CALN1: variants seen among roughly 807,000 people sequenced by gnomAD.
CALN1 encodes the protein calcium-binding protein 8.
Under a neutral mutation model 30.6 loss-of-function variants are expected in CALN1, and 17 were observed. The ratio of observed to expected loss-of-function variants is 0.56; its 90% confidence interval spans 0.38 to 0.83. The LOEUF (loss-of-function observed/expected upper bound fraction) is 0.83, where lower values mean the gene tolerates loss of function less well. Ranked by LOEUF, CALN1 falls within the 40% of genes least tolerant of loss-of-function variation. The pLI is 0.00. For missense variants in CALN1, 291 were observed against 354.9 expected, an observed-to-expected ratio of 0.82 and a Z score of 1.45; for synonymous variants, 156 against 131.4, an observed-to-expected ratio of 1.19 and a Z score of -1.28.
chr7:72,214,761 G>A (rs890395751), intron 3 of CALN1, among the ~76,000 whole-genome samples: 4 of 151,950 alleles, frequency 2.6e-5, no homozygotes, highest in Admixed American at 6.6e-5. Flanking sequence ...GCCACTCCCC[G>A]CCGCTCGCAT....
chr7:72,263,262 G>T (rs1187300007), intron 3 of CALN1, among the ~76,000 whole-genome samples: 2 of 152,064 alleles, frequency 1.3e-5, no homozygotes, highest in Non-Finnish European at 2.9e-5. Context: ...CACTTTGCAT[G>T]TATTATCTCT....
At chr7:71,925,278 A>G (rs1218560687) in intron 5 of CALN1, among the ~76,000 whole-genome samples, 4 of 149,696 alleles carry the variant, frequency 2.7e-5, no homozygotes. Context: ...CAAGCAAGCA[A>G]GCAAGCAAGA....
Position 71,847,773 on chromosome 7 carries a change from A to AAAG in CALN1, c.502-37284_502-37282dup, listed in dbSNP as rs373772692. On this transcript the variant is annotated intron_variant, in intron 5 of 6. Coordinates refer to ENST00000395275, the MANE Select transcript of CALN1 (RefSeq NM_031468.4). ...AGAAAGAAGAAAGAAGAAGAAGAAG[A>AAAG]AAGAAGAAGAAGAAGAAGAAGAAAA... Among the ~76,000 whole-genome samples, 229 of 145,320 alleles carry AAAG rather than the reference A, an allele frequency of 1.6e-3. 3 individuals carry two copies. Among genetic ancestry groups the AAAG allele is most frequent in the East Asian group, 4.5e-3 (22 of 4,854 alleles).
chr7:72,469,685 C>T, the CALN1 span, among the ~76,000 whole-genome samples: 1 of 152,186 alleles, frequency 6.6e-6, no homozygotes, highest in African/African-American at 2.4e-5. Context: ...AGGCATGAGC[C>T]ACCGCACCCA....
intron 3 of CALN1, among the ~76,000 whole-genome samples, chr7:72,201,318 GTGGCTC>G (rs1334379568): frequency 1.3e-5 from 2 of 152,188 alleles, no homozygotes; most frequent in East Asian, 3.9e-4. Context: ...GCAGGGCACG[GTGGCTC>G]ACGTCTGTAA....
chr7:72,356,566 G>A (rs571514981), intron 2 of CALN1, among the ~76,000 whole-genome samples: 3 of 151,938 alleles, frequency 2.0e-5, no homozygotes, highest in South Asian at 2.1e-4. Context: ...TAACAAGGAC[G>A]ACTAAAATTG....
intron 4 of CALN1, among the ~76,000 whole-genome samples, chr7:72,090,206 G>T (rs959829658): frequency 8.5e-5 from 13 of 152,178 alleles, no homozygotes; most frequent in Admixed American, 6.5e-5. Flanking sequence ...GGAGGCTGAG[G>T]CAGGAGAATT....
At chr7:72,361,312 T>G (rs758403707) in intron 2 of CALN1, among the ~76,000 whole-genome samples, 2 of 152,004 alleles carry the variant, frequency 1.3e-5, no homozygotes, top group Non-Finnish European at 2.9e-5. Context: ...CCACCTACTA[T>G]GAAATCCATT....
intron 3 of CALN1, among the ~76,000 whole-genome samples, chr7:72,240,523 G>A (rs984039099): frequency 2.0e-5 from 3 of 152,266 alleles, no homozygotes; most frequent in Admixed American, 1.3e-4. Flanking sequence ...TCCAAAGCCA[G>A]TGTCTAACAA....
At chr7:72,323,830 G>A (rs942026939) in intron 2 of CALN1, among the ~76,000 whole-genome samples, 3 of 152,070 alleles carry the variant, frequency 2.0e-5, no homozygotes, top group Non-Finnish European at 4.4e-5. Flanking sequence ...GATTGCTTGA[G>A]TCCAAGATTT....
At chr7:72,374,405 T>C (rs549711605) in intron 2 of CALN1, among the ~76,000 whole-genome samples, 2 of 151,708 alleles carry the variant, frequency 1.3e-5, no homozygotes, top group African/African-American at 4.8e-5. Flanking sequence ...GGAGGGCGCC[T>C]GTAATCTCAG....
At chr7:72,219,780 A>T (rs1270529946) in intron 3 of CALN1, among the ~76,000 whole-genome samples, 1 of 152,184 alleles carries the variant, frequency 6.6e-6, no homozygotes, top group Non-Finnish European at 1.5e-5. Flanking sequence ...GAAACTGCAT[A>T]TAATAGAATT....
At chr7:72,273,921 C>CA (rs927952877) in intron 3 of CALN1, among the ~76,000 whole-genome samples, 9 of 149,912 alleles carry the variant, frequency 6.0e-5, no homozygotes, top group African/African-American at 9.8e-5. Context: ...ATAAATTATA[C>CA]AAAAAAAAAG....
intron 3 of CALN1, among the ~76,000 whole-genome samples, chr7:72,170,683 T>C (rs1404215919): frequency 2.6e-5 from 4 of 152,198 alleles, no homozygotes; most frequent in Non-Finnish European, 5.9e-5. Flanking sequence ...CATCTGTCAT[T>C]GTCATGTCTT....
chr7:72,413,852 TCACA>T (rs1321237548), upstream of CALN1, among the ~76,000 whole-genome samples: 1 of 139,216 alleles, frequency 7.2e-6, no homozygotes. Context: ...TGCACACACA[TCACA>T]CACACTCGTA....
chr7:72,183,068 TTGTC>T (rs1345233606), intron 3 of CALN1, among the ~76,000 whole-genome samples: 1 of 152,130 alleles, frequency 6.6e-6, no homozygotes, highest in Non-Finnish European at 1.5e-5. Context: ...TGTTTGTTGT[TTGTC>T]TGTTTGTTTC....
At chr7:71,979,866 A>ATTTTTTTTTT (rs1798299045) in intron 5 of CALN1, among the ~76,000 whole-genome samples, 1 of 118,790 alleles carries the variant, frequency 8.4e-6, no homozygotes, top group African/African-American at 3.2e-5. Context: ...ACACATCAGG[A>ATTTTTTTTTT]TTCTTTTTTT....
chr7:71,949,679 C>T (rs1796589940), intron 5 of CALN1, among the ~76,000 whole-genome samples: 1 of 152,064 alleles, frequency 6.6e-6, no homozygotes, highest in Non-Finnish European at 1.5e-5. Flanking sequence ...CAAACCCAGC[C>T]TTAGAGGGTA....
chr7:72,256,504 C>T (rs1292076951), intron 3 of CALN1, among the ~76,000 whole-genome samples: 3 of 152,088 alleles, frequency 2.0e-5, no homozygotes, highest in Admixed American at 1.3e-4. Context: ...ACACATACTT[C>T]TAAAAAAGAT....
Sources: allele counts gnomAD v4.1 joint callset (sites outside exome capture counted in the v4.1 genomes callset), GRCh38; gene constraint gnomAD v4.1.1; transcripts MANE v1.5; gene names NCBI Gene and HGNC (gene_info 2026-07-23, HGNC 2026-07-21).